Variants in MYH16 observed in about 807,000 individuals in gnomAD.
MYH16 encodes the protein myosin heavy chain 16.
intron 29 of MYH16, among the ~76,000 whole-genome samples, chr7:99,288,788 A>G (rs1444986318): frequency 1.3e-5 from 2 of 151,746 alleles, no homozygotes; most frequent in Non-Finnish European, 2.9e-5. Flanking sequence ...TTAGAGCGCT[A>G]CTGTGAGGGC....
chr7:99,245,821 T>A (rs1255314033), intron 2 of MYH16, among the ~76,000 whole-genome samples: 1 of 152,288 alleles, frequency 6.6e-6, no homozygotes, highest in East Asian at 1.9e-4. Flanking sequence ...CCACTGCGCC[T>A]GGCCTTTCTG....
exon 33 of MYH16, chr7:99,294,115 G>A (rs1210075644): frequency 4.4e-6 from 2 of 456,188 alleles, no homozygotes; most frequent in East Asian, 1.4e-4. Flanking sequence ...GAGACTCCAG[G>A]CAGAAGTTGA....
chr7:99,292,214 C>T (rs760754798), intron 31 of MYH16, 98 bp from the exon 13 acceptor site: 8 of 362,244 alleles, frequency 2.2e-5, no homozygotes, highest in Non-Finnish European at 2.8e-5. Flanking sequence ...CCCCCTTTCG[C>T]CTGCCATCAC....
chr7:99,259,730 G>A (rs1038379269), intron 11 of MYH16, among the ~76,000 whole-genome samples: 39 of 147,338 alleles, frequency 2.6e-4, no homozygotes, highest in East Asian at 5.9e-4. Context: ...GTGTGTGTGT[G>A]TATATATATA....
intron 18 of MYH16, chr7:99,267,043 G>A (rs1791994522): frequency 6.6e-6 from 1 of 152,596 alleles, no homozygotes; most frequent in African/African-American, 2.4e-5. Flanking sequence ...GGGCTTTGGG[G>A]TGTGGATTCC....
At chr7:99,282,467 A>AT (rs58102151) in intron 23 of MYH16, among the ~76,000 whole-genome samples, 6 of 151,142 alleles carry the variant, frequency 4.0e-5, no homozygotes, top group Non-Finnish European at 5.9e-5. Context: ...ATAACATTTT[A>AT]TTTTTTTTTA....
At chr7:99,253,783 ATCT>A (rs1304016466) in exon 8 of MYH16, 2 of 204,316 alleles carry the variant, frequency 9.8e-6, no homozygotes, top group African/African-American at 4.6e-5. Flanking sequence ...AAGCTACCAC[ATCT>A]TCTACCAGAT....
chr7:99,256,189 A>C (rs1791869945), intron 9 of MYH16, among the ~76,000 whole-genome samples: 1 of 142,682 alleles, frequency 7.0e-6, no homozygotes. Context: ...CTGTAATCCC[A>C]GTGCTTTGGA....
At chr7:99,294,345 A>G (rs1193229958) in intron 33 of MYH16, among the ~76,000 whole-genome samples, 195 bp downstream of exon 14, 2 of 151,664 alleles carry the variant, frequency 1.3e-5, no homozygotes, top group Non-Finnish European at 2.9e-5. Flanking sequence ...CTCTTCCGAG[A>G]TCTAACATTC....
chr7:99,284,093 C>G (rs1201601960), intron 25 of MYH16, 75 bp downstream of exon 7: 28 of 390,342 alleles, frequency 7.2e-5, no homozygotes, highest in Middle Eastern at 7.9e-4. Context: ...GTGCCAGGAG[C>G]CAGGCACTGT....
chr7:99,276,662 T>C (rs186214147), intron 20 of MYH16, among the ~76,000 whole-genome samples: 1,640 of 152,248 alleles, frequency 0.011, 31 homozygotes, highest in African/African-American at 0.038. Flanking sequence ...GCACTGGCCA[T>C]GGTGGGAAGT....
chr7:99,287,318 A>C (rs1792293228), intron 28 of MYH16, among the ~76,000 whole-genome samples: 1 of 151,960 alleles, frequency 6.6e-6, no homozygotes, highest in Admixed American at 6.6e-5. Context: ...GGATCACCTG[A>C]GGTTAGGAGT....
At chr7:99,251,969 T>C (rs2150807918) in intron 6 of MYH16, among the ~76,000 whole-genome samples, 1 of 152,284 alleles carries the variant, frequency 6.6e-6, no homozygotes, top group East Asian at 1.9e-4. Flanking sequence ...TAAGACCCCC[T>C]ATCTCAGGGG....
chr7:99,276,830 A>G (rs1278397950), intron 20 of MYH16, among the ~76,000 whole-genome samples: 1 of 152,142 alleles, frequency 6.6e-6, no homozygotes, highest in East Asian at 1.9e-4. Flanking sequence ...ACATAGAGAA[A>G]AACAAAGAGA....
intron 2 of MYH16, among the ~76,000 whole-genome samples, chr7:99,246,382 T>C (rs549873500): frequency 6.6e-6 from 1 of 151,722 alleles, no homozygotes; most frequent in African/African-American, 2.4e-5. Context: ...AAGCCAGATA[T>C]ATTAAGTGGC....
At position 99,243,477 on chromosome 7, in the gene MYH16, GCTTTT is replaced by G. The variant is rs1490821979; in HGVS notation, n.354+62_354+66del. The G allele has an allele frequency of 3.3e-5, 5 of 152,690 alleles. No individual in the cohort carries two copies. In the Admixed American group the frequency reaches 3.3e-4, roughly 10 times the overall value. The allele number at this position is 152,690 out of a possible 1,614,324, so 9.5% of individuals were successfully genotyped here. Reference sequence around the variant, plus strand: ...AGGAAGGAGTGGCTGTAGATCTTCTGCTTTTCTTTTGTTGAGGAGGGGGTTGGCTA... The same window carrying G: ...AGGAAGGAGTGGCTGTAGATCTTCTGCTTTTGTTGAGGAGGGGGTTGGCTA... On this transcript the variant is annotated intron_variant and non_coding_transcript_variant, in intron 2 of 41. Transcript: ENST00000439784.
intron 9 of MYH16, among the ~76,000 whole-genome samples, chr7:99,256,841 C>T (rs1240944951): frequency 6.6e-6 from 1 of 151,880 alleles, no homozygotes; most frequent in African/African-American, 2.4e-5. Flanking sequence ...ATCCCAGGTA[C>T]CTGGGAGGCT....
downstream of MYH16, among the ~76,000 whole-genome samples, chr7:99,309,062 T>C (rs1476181978): frequency 6.6e-6 from 1 of 152,234 alleles, no homozygotes; most frequent in Non-Finnish European, 1.5e-5. Flanking sequence ...AGAAGTTTGG[T>C]GACTTGCTCA....
chr7:99,286,823 A>G (rs567238960), intron 28 of MYH16, among the ~76,000 whole-genome samples: 25 of 151,390 alleles, frequency 1.7e-4, no homozygotes, highest in Non-Finnish European at 2.4e-4. Context: ...GCATGGTGGC[A>G]TGTTCCTGTA....
Sources: allele counts gnomAD v4.1 joint callset (sites outside exome capture counted in the v4.1 genomes callset), GRCh38; gene constraint gnomAD v4.1.1; transcripts MANE v1.5; gene names NCBI Gene and HGNC (gene_info 2026-07-23, HGNC 2026-07-21).